Variants in PUS7 observed in about 807,000 individuals in gnomAD.
PUS7 encodes the protein pseudouridylate synthase 7 homolog.
A neutral mutation model predicts 79.8 loss-of-function variants in PUS7; 48 were observed. The ratio of observed to expected loss-of-function variants is 0.60; its 90% CI spans 0.48 to 0.76. PUS7 has a LOEUF of 0.76. PUS7 is among the 30% of genes least tolerant of loss of function. PUS7 has a pLI of 0.00. For synonymous variants in PUS7, 286 were observed against 272.2 expected, an observed-to-expected ratio of 1.05 and a Z score of -0.50; for missense variants, 729 against 797.6, an observed-to-expected ratio of 0.91 and a Z score of 1.04.
chr7:105,517,883 C>G (rs1250349856), intron 1 of PUS7, among the ~76,000 whole-genome samples: 1 of 152,200 alleles, frequency 6.6e-6, no homozygotes, highest in Non-Finnish European at 1.5e-5. Context: ...GGTGTGGTGT[C>G]TCATGCCTGT....
intron 11 of PUS7, among the ~76,000 whole-genome samples, chr7:105,469,975 G>A (rs1823808335): frequency 6.6e-6 from 1 of 152,320 alleles, no homozygotes; most frequent in South Asian, 2.1e-4. Flanking sequence ...GCAGGCTGCA[G>A]GTTGGACAAG....
In PUS7 at chr7:105,467,832, C is replaced by G. The variant is rs545860208; in HGVS notation, c.1525+505G>C. Among the ~76,000 whole-genome samples, 57 of 151,844 alleles carry G rather than the reference C, an allele frequency of 3.8e-4. 2 individuals carry two copies. The South Asian group carries it at 0.011, about 31-fold the overall frequency. On this transcript the variant is annotated intron_variant, in intron 12 of 15. Coordinates refer to ENST00000469408, the MANE Select transcript of PUS7 (RefSeq NM_019042.5). ...TCACCCGAGGTGGGGAGTTCGAGAT[C>G]GAGGTGCTTACTCAAACCAGATATA... is the stretch of plus-strand genomic sequence containing the variant.
intron 12 of PUS7, among the ~76,000 whole-genome samples, chr7:105,466,023 T>C (rs868779058): frequency 1.3e-5 from 2 of 151,780 alleles, no homozygotes; most frequent in African/African-American, 2.4e-5. Flanking sequence ...CTGGGTGTGG[T>C]GGCAAACACC....
At chr7:105,460,180 T>C (rs890506994) in intron 14 of PUS7, among the ~76,000 whole-genome samples, 7 of 152,122 alleles carry the variant, frequency 4.6e-5, no homozygotes, top group African/African-American at 1.2e-4. Flanking sequence ...GCTCGTGATC[T>C]GCCCGCCTCG....
chr7:105,460,808 C>G (rs1200865651), intron 14 of PUS7, among the ~76,000 whole-genome samples: 1 of 144,978 alleles, frequency 6.9e-6, no homozygotes, highest in Non-Finnish European at 1.5e-5. Flanking sequence ...GAGCCGAGAT[C>G]GCGCCACTGC....
At chr7:105,514,052 A>C (rs1825799852) in intron 1 of PUS7, among the ~76,000 whole-genome samples, 1 of 135,056 alleles carries the variant, frequency 7.4e-6, no homozygotes, top group African/African-American at 2.7e-5. Context: ...AACATGGTGA[A>C]ACCCCGTCTC....
intron 12 of PUS7, 76 bp downstream of exon 12, chr7:105,468,261 G>A (rs1180913997): frequency 1.3e-6 from 2 of 1,539,292 alleles, no homozygotes; most frequent in African/African-American, 2.8e-5. Context: ...TAATAGCCAG[G>A]ATGGATTTTA....
chr7:105,487,954 T>C (rs1290143555), intron 7 of PUS7, among the ~76,000 whole-genome samples: 1 of 152,156 alleles, frequency 6.6e-6, no homozygotes, highest in Non-Finnish European at 1.5e-5. Context: ...GCAGAGTGGG[T>C]TTCTCCTGTT....
intron 4 of PUS7, among the ~76,000 whole-genome samples, chr7:105,504,083 T>A (rs1825360119): frequency 6.6e-6 from 1 of 151,662 alleles, no homozygotes; most frequent in Non-Finnish European, 1.5e-5. Context: ...TTTTTTTTTT[T>A]TTTGAGACAC....
rs562164421 is a variant in PUS7 at position 105,476,428 on chromosome 7, G to C, written c.1176-4235C>G. Among the ~76,000 whole-genome samples the C allele has an allele frequency of 2.6e-5, 4 of 152,206 alleles. No individual in the cohort carries two copies. The South Asian group carries it at 8.3e-4, about 32-fold the overall frequency. Reference sequence around the variant, plus strand: ...GCTGGAGTGTAGTGCTACCATCTCAGCTTACTGCAACCTCTGCTTCCCGGG... The same window carrying C: ...GCTGGAGTGTAGTGCTACCATCTCACCTTACTGCAACCTCTGCTTCCCGGG... On this transcript the variant is annotated intron_variant, in intron 9 of 15. Transcript: ENST00000469408.
chr7:105,462,756 A>G lies in PUS7; in HGVS notation c.1628-6T>C, dbSNP rs1823485732. On this transcript the variant is annotated splice_polypyrimidine_tract_variant and splice_region_variant and intron_variant, in intron 13 of 15. Coordinates refer to ENST00000469408, the MANE Select transcript of PUS7 (RefSeq NM_019042.5). ...TTCCCTGTAGGCTTCTTGAACTAAT[A>G]TAAAATACAAAAAGTTAGTTGAAAT... 6.2e-7 allele frequency: 1 copy of G among 1,605,186 alleles called. No individual in the cohort carries two copies. Among genetic ancestry groups the G allele is most frequent in the South Asian group, 1.1e-5 (1 of 89,290 alleles).
chr7:105,496,212 T>TAG (rs1562808917), intron 5 of PUS7, among the ~76,000 whole-genome samples: 5 of 71,180 alleles, frequency 7.0e-5, no homozygotes, highest in Non-Finnish European at 1.1e-4. Context: ...TATATATATA[T>TAG]ATATATATAT....
chr7:105,489,026 T>C (rs1319922140), intron 7 of PUS7, among the ~76,000 whole-genome samples: 1 of 151,382 alleles, frequency 6.6e-6, no homozygotes, highest in South Asian at 2.1e-4. Context: ...CGGGCGCCTG[T>C]AGTCCCAGCT....
At chr7:105,502,370 C>A (rs1291673480) in intron 5 of PUS7, 50 bp downstream of exon 5, 1 of 1,608,564 alleles carries the variant, frequency 6.2e-7, no homozygotes, top group Non-Finnish European at 8.5e-7. Flanking sequence ...AGGAGCGGGG[C>A]CTGCCGCTCA....
intron 6 of PUS7, 69 bp downstream of exon 6, chr7:105,495,073 T>A: frequency 1.2e-6 from 1 of 853,094 alleles, no homozygotes; most frequent in African/African-American, 1.7e-5. Context: ...CCTTTTTCCA[T>A]TAGCATGGAA....
chr7:105,510,253 T>C (rs1193102829), intron 1 of PUS7, among the ~76,000 whole-genome samples: 2 of 151,992 alleles, frequency 1.3e-5, no homozygotes, highest in African/African-American at 2.4e-5. Context: ...TGAGCTGAAA[T>C]TGTGCCTTTG....
intron 1 of PUS7, among the ~76,000 whole-genome samples, chr7:105,514,996 G>A (rs1354671169): frequency 6.6e-6 from 1 of 152,074 alleles, no homozygotes; most frequent in Non-Finnish European, 1.5e-5. Context: ...GGGTTACACT[G>A]TGTCAGCCAG....
chr7:105,471,554 G>A (rs115286216), intron 10 of PUS7, among the ~76,000 whole-genome samples: 2,958 of 152,342 alleles, frequency 0.019, 96 homozygotes, highest in African/African-American at 0.067. Context: ...GCTCACGCCT[G>A]TAATCCTAAC....
intron 1 of PUS7, among the ~76,000 whole-genome samples, chr7:105,519,302 C>T (rs1441277938): frequency 1.3e-5 from 2 of 151,454 alleles, no homozygotes; most frequent in East Asian, 1.9e-4. Context: ...GGTGCAGTCT[C>T]GGCTCACCGC....
Sources: gnomAD v4.1 joint callset for allele counts (sites outside exome capture counted in the v4.1 genomes callset) on GRCh38, gnomAD v4.1.1 for gene constraint, MANE v1.5 for transcripts, NCBI Gene and HGNC (gene_info 2026-07-23, HGNC 2026-07-21) for gene names.